Variants in MOB3B observed in about 807,000 individuals in gnomAD.
MOB3B encodes the protein MOB kinase activator-like 2B.
Under a neutral mutation model 18.7 loss-of-function variants are expected in MOB3B, and 7 were observed. That is an observed-to-expected ratio of 0.37 (90% confidence interval 0.21 to 0.70). The LOEUF (loss-of-function observed/expected upper bound fraction) is 0.70. Ranked by LOEUF, MOB3B falls within the 30% of genes least tolerant of loss-of-function variation. The probability of loss-of-function intolerance (pLI) is 0.52; values close to 1 mark genes in which losing one functional copy is unlikely to be tolerated. For missense variants in MOB3B, 253 were observed against 281.3 expected, an observed-to-expected ratio of 0.90 and a Z score of 0.72; for synonymous variants, 111 against 99.9, an observed-to-expected ratio of 1.11 and a Z score of -0.66.
At chr9:27,528,589 C>T (rs1820476899) in intron 1 of MOB3B, among the ~76,000 whole-genome samples, 2 of 152,222 alleles carry the variant, frequency 1.3e-5, no homozygotes, top group Non-Finnish European at 2.9e-5. Context: ...GATCCCCTGC[C>T]GGAGCTGGCG....
chr9:27,489,741 C>CTTTTTTTTTTGTTTTTTTTTT lies in MOB3B; in HGVS notation c.-198-33994_-198-33993insAAAAAAAAAACAAAAAAAAAA, dbSNP rs1819785889. Reference sequence around the variant, plus strand: ...ACATCACACCAGATAAGGAAATAATCTTTTTTTTTTTTTGGTCCAACAGGG... The same window carrying CTTTTTTTTTTGTTTTTTTTTT: ...ACATCACACCAGATAAGGAAATAATCTTTTTTTTTTGTTTTTTTTTTTTTTTTTTTTTTTGGTCCAACAGGG... On this transcript the variant is annotated intron_variant, in intron 1 of 3. Transcript: ENST00000262244. Among the ~76,000 whole-genome samples, 2 of 73,118 alleles carry CTTTTTTTTTTGTTTTTTTTTT rather than the reference C, an allele frequency of 2.7e-5. 1 individual carries two copies. Among genetic ancestry groups the CTTTTTTTTTTGTTTTTTTTTT allele is most frequent in the South Asian group, 1.2e-3 (2 of 1,648 alleles). The allele number at this position is 73,118 out of a possible 152,430, so 48.0% of individuals were successfully genotyped here.
chr9:27,420,533 T>C (rs1822227651), intron 2 of MOB3B, among the ~76,000 whole-genome samples: 1 of 122,010 alleles, frequency 8.2e-6, no homozygotes, highest in African/African-American at 3.2e-5. Flanking sequence ...ATCTATATAT[T>C]CCATCTGTAT....
intron 3 of MOB3B, among the ~76,000 whole-genome samples, chr9:27,346,774 C>T (rs1821036019): frequency 6.6e-6 from 1 of 152,144 alleles, no homozygotes; most frequent in South Asian, 2.1e-4. Flanking sequence ...GTGGATGGAT[C>T]ACTTGAGGTC....
intron 2 of MOB3B, among the ~76,000 whole-genome samples, chr9:27,369,699 T>C (rs925948381): frequency 7.2e-5 from 11 of 152,222 alleles, no homozygotes; most frequent in Non-Finnish European, 1.2e-4. Flanking sequence ...GAAGCTACGA[T>C]CCTCTTTCTC....
At chr9:27,404,067 C>G (rs1394372273) in intron 2 of MOB3B, among the ~76,000 whole-genome samples, 3 of 152,102 alleles carry the variant, frequency 2.0e-5, no homozygotes, top group Non-Finnish European at 4.4e-5. Context: ...ATTAACCCTC[C>G]TCGCTTTATC....
intron 2 of MOB3B, among the ~76,000 whole-genome samples, chr9:27,380,394 A>T (rs1202411684): frequency 6.6e-6 from 1 of 151,206 alleles, no homozygotes. Flanking sequence ...GCCCGCCATG[A>T]CACCCAGCTA....
chr9:27,339,070 C>T (rs568262242), intron 3 of MOB3B, among the ~76,000 whole-genome samples: 167 of 152,254 alleles, frequency 1.1e-3, no homozygotes, highest in Non-Finnish European at 1.9e-3. Context: ...TGGGAACCCT[C>T]GGGGAGAGTC....
chr9:27,402,820 T>C (rs1485952162), intron 2 of MOB3B, among the ~76,000 whole-genome samples: 1 of 152,130 alleles, frequency 6.6e-6, no homozygotes, highest in Non-Finnish European at 1.5e-5. Context: ...GCCAGGAAAA[T>C]TTAGGGTTGT....
At position 27,326,587 on chromosome 9, in the gene MOB3B, T is replaced by G. The variant is rs1387298767; in HGVS notation, c.*4000A>C. 5.0e-6 allele frequency: 2 copies of G among 398,478 alleles called. No homozygotes were observed. Among genetic ancestry groups the G allele is most frequent in the Non-Finnish European group, 8.8e-6 (2 of 226,032 alleles). 24.7% of individuals were successfully genotyped at this position (398,478 alleles called of 1,614,324 possible). ...GAAGAACTGTGAGAGGAGTATAGATTTTTTCACCAAGGAAGTTACTGGCAT... is the reference window on the plus strand; with the variant it reads ...GAAGAACTGTGAGAGGAGTATAGATGTTTTCACCAAGGAAGTTACTGGCAT... On this transcript the variant is annotated 3_prime_UTR_variant, in exon 4 of 4. Coordinates refer to ENST00000262244, the MANE Select transcript of MOB3B (RefSeq NM_024761.5).
Position 27,432,515 on chromosome 9 carries a change from T to C in MOB3B, c.418+22618A>G, listed in dbSNP as rs528259295. Reference sequence around the variant, plus strand: ...GCCTTATCTCATGCCCAGCACATGGTAGGTTTTCCGCAAGTCTCTTTTGAA... The same window carrying C: ...GCCTTATCTCATGCCCAGCACATGGCAGGTTTTCCGCAAGTCTCTTTTGAA... On this transcript the variant is annotated intron_variant, in intron 2 of 3. Transcript: ENST00000262244. 7.7e-4 allele frequency among the ~76,000 whole-genome samples: 118 copies of C among 152,306 alleles called. 1 individual carries two copies. The highest frequency in any genetic ancestry group is 6.8e-3 in the Middle Eastern group (2 of 294).
At chr9:27,518,317 G>A (rs1820271026) in intron 1 of MOB3B, among the ~76,000 whole-genome samples, 1 of 151,954 alleles carries the variant, frequency 6.6e-6, no homozygotes, top group African/African-American at 2.4e-5. Context: ...ATGTGATCTA[G>A]GAAAAAAATC....
At chr9:27,446,171 A>G (rs546445474) in intron 2 of MOB3B, among the ~76,000 whole-genome samples, 1 of 152,216 alleles carries the variant, frequency 6.6e-6, no homozygotes, top group African/African-American at 2.4e-5. Context: ...TTGAACTCTC[A>G]GAGAAATGAA....
chr9:27,358,973 T>A, intron 3 of MOB3B, 61 bp downstream of exon 3: 1 of 1,533,552 alleles, frequency 6.5e-7, no homozygotes. Context: ...GACAATGCGC[T>A]CTGACAAATG....
chr9:27,347,197 A>T (rs1030192337), intron 3 of MOB3B, among the ~76,000 whole-genome samples: 3 of 152,178 alleles, frequency 2.0e-5, no homozygotes, highest in Non-Finnish European at 4.4e-5. Context: ...TTCACGAGAG[A>T]GATGTTGCAG....
At chr9:27,371,701 G>A (rs1481810825) in intron 2 of MOB3B, among the ~76,000 whole-genome samples, 2 of 152,170 alleles carry the variant, frequency 1.3e-5, no homozygotes, top group Admixed American at 1.3e-4. Context: ...ATCGGGAGTG[G>A]CGTGGACTGT....
intron 1 of MOB3B, among the ~76,000 whole-genome samples, chr9:27,518,278 C>A (rs561239540): frequency 3.9e-5 from 6 of 152,312 alleles, no homozygotes; most frequent in Admixed American, 3.3e-4. Context: ...GCACGCTCAT[C>A]ATTTCTTCCC....
intron 1 of MOB3B, among the ~76,000 whole-genome samples, chr9:27,521,284 T>C (rs1277163731): frequency 6.6e-6 from 1 of 152,066 alleles, no homozygotes; most frequent in Non-Finnish European, 1.5e-5. Flanking sequence ...AGGGAGGAAA[T>C]TTGGGGTGAG....
At chr9:27,494,864 T>C (rs951868991) in intron 1 of MOB3B, among the ~76,000 whole-genome samples, 1 of 151,948 alleles carries the variant, frequency 6.6e-6, no homozygotes, top group African/African-American at 2.4e-5. Flanking sequence ...CACATAAGAG[T>C]TGTGGTCATG....
At chr9:27,344,736 C>T (rs1011745942) in intron 3 of MOB3B, among the ~76,000 whole-genome samples, 6 of 152,250 alleles carry the variant, frequency 3.9e-5, no homozygotes, top group Admixed American at 3.3e-4. Context: ...CTAATGTCTA[C>T]TTTGATTCTT....
Sources: gnomAD v4.1 joint callset for allele counts (sites outside exome capture counted in the v4.1 genomes callset) on GRCh38, gnomAD v4.1.1 for gene constraint, MANE v1.5 for transcripts, NCBI Gene and HGNC (gene_info 2026-07-23, HGNC 2026-07-21) for gene names.